Variants in UBE2K observed in about 807,000 individuals in gnomAD.
UBE2K encodes ubiquitin conjugating enzyme E2 K.
UBE2K carries 6 observed loss-of-function variants against 30.0 expected under a neutral mutation model. The ratio of observed to expected loss-of-function variants is 0.20; its 90% CI spans 0.11 to 0.39. The LOEUF (loss-of-function observed/expected upper bound fraction) is 0.39, where lower values mean the gene tolerates loss of function less well. Among genes scored for constraint, UBE2K ranks in the 10% least tolerant of loss-of-function variants. The pLI, the probability that UBE2K is intolerant of heterozygous loss-of-function variation, is 1.00. For missense variants in UBE2K, 61 were observed against 241.6 expected (o/e 0.25, Z 4.96); for synonymous variants, 86 against 83.7 (o/e 1.03, Z -0.15).
intron 1 of UBE2K, among the ~76,000 whole-genome samples, chr4:39,718,061 AG>A (rs1719196941): frequency 8.2e-6 from 1 of 122,502 alleles, no homozygotes; most frequent in Non-Finnish European, 1.9e-5. Context: ...ACAGTGTGGA[AG>A]GGGACCCGAG....
intron 1 of UBE2K, among the ~76,000 whole-genome samples, chr4:39,716,821 A>G (rs1027244280): frequency 7.2e-5 from 11 of 152,038 alleles, no homozygotes; most frequent in African/African-American, 2.4e-4. Context: ...AACACGGTGA[A>G]ACCCTGTCTC....
chr4:39,766,136 T>C (rs1712318078), intron 4 of UBE2K, among the ~76,000 whole-genome samples: 1 of 152,224 alleles, frequency 6.6e-6, no homozygotes, highest in African/African-American at 2.4e-5. Context: ...CACTGGATTA[T>C]ATAGTAACTC....
rs1712712534 is a variant in UBE2K at position 39,770,445 on chromosome 4, G to A, written c.300-4389G>A. 57 of 1,611,832 alleles carry A rather than the reference G, an allele frequency of 3.5e-5. 1 individual carries two copies. In the South Asian group the frequency reaches 5.4e-4, roughly 15 times the overall value. ...CTTCTCCACGCCCTGGAACACTTCCGGGCACTTGGTGCACTTGATGTTCTT... is the reference window on the plus strand; with the variant it reads ...CTTCTCCACGCCCTGGAACACTTCCAGGCACTTGGTGCACTTGATGTTCTT... On this transcript the variant is annotated intron_variant, in intron 4 of 6. Transcript: ENST00000261427.
At chr4:39,729,644 C>T (rs1405126824) in intron 1 of UBE2K, among the ~76,000 whole-genome samples, 3 of 152,150 alleles carry the variant, frequency 2.0e-5, no homozygotes, top group Non-Finnish European at 4.4e-5. Context: ...CTACTCCAGC[C>T]AGGTGATCTC....
chr4:39,758,401 C>T (rs376399783), intron 4 of UBE2K, among the ~76,000 whole-genome samples: 27 of 152,250 alleles, frequency 1.8e-4, no homozygotes, highest in African/African-American at 6.0e-4. Flanking sequence ...CTTGCCGCCA[C>T]GTGCAGTGGC....
intron 1 of UBE2K, among the ~76,000 whole-genome samples, chr4:39,722,497 A>T (rs1462043986): frequency 6.6e-6 from 1 of 152,230 alleles, no homozygotes; most frequent in Middle Eastern, 3.2e-3. Context: ...TAGCAAGTAA[A>T]GGATGGATTA....
At chr4:39,760,474 AGCCTAT>A (rs1439125098) in intron 4 of UBE2K, among the ~76,000 whole-genome samples, 1 of 152,234 alleles carries the variant, frequency 6.6e-6, no homozygotes, top group African/African-American at 2.4e-5. Context: ...AGTAAAAAAG[AGCCTAT>A]CATTGACACA....
rs28567992 is a variant in UBE2K, at chr4:39,763,856, C to T, written c.299+8117C>T. The stretch of plus-strand genomic sequence containing the variant: ...CCAGGCTCAATTGGTCTTCCCACCT[C>T]AGCCTTCTGAGTAACTGTAACTACA... On this transcript the variant is annotated intron_variant, in intron 4 of 6. Transcript: ENST00000261427. Among the ~76,000 whole-genome samples the T allele has an allele frequency of 7.5e-3, 1,145 of 152,256 alleles. 14 individuals carry two copies. The highest frequency in any genetic ancestry group is 0.026 in the African/African-American group (1,085 of 41,550).
intron 1 of UBE2K, chr4:39,714,550 A>ATATTTT: frequency 1.1e-3 from 19 of 17,854 alleles, no homozygotes; most frequent in Middle Eastern, 0.042. Context: ...ATATATATAT[A>ATATTTT]TTTTTTTTTT....
intron 1 of UBE2K, among the ~76,000 whole-genome samples, chr4:39,723,596 C>G (rs1284826963): frequency 6.6e-6 from 1 of 151,996 alleles, no homozygotes; most frequent in East Asian, 1.9e-4. Context: ...TCTCAATCTC[C>G]TGACCTCCTG....
At chr4:39,751,624 G>A (rs1037572608) in intron 3 of UBE2K, among the ~76,000 whole-genome samples, 6 of 152,132 alleles carry the variant, frequency 3.9e-5, no homozygotes, top group South Asian at 4.1e-4. Flanking sequence ...GCAGTGAGCC[G>A]AGATTGCGCC....
intron 1 of UBE2K, among the ~76,000 whole-genome samples, chr4:39,718,552 C>T (rs927387434): frequency 2.0e-5 from 3 of 152,214 alleles, no homozygotes; most frequent in African/African-American, 7.2e-5. Context: ...AACTGGGTGC[C>T]GTGGAGCAGG....
At chr4:39,775,474 G>A (rs142327424) in intron 5 of UBE2K, among the ~76,000 whole-genome samples, 127 of 152,330 alleles carry the variant, frequency 8.3e-4, no homozygotes, top group African/African-American at 3.0e-3. Flanking sequence ...TGCTGGCCAG[G>A]TGTGTTGGCT....
intron 1 of UBE2K, among the ~76,000 whole-genome samples, chr4:39,736,367 C>T (rs1720380144): frequency 6.6e-6 from 1 of 152,154 alleles, no homozygotes; most frequent in African/African-American, 2.4e-5. Context: ...GAGGCTGAAG[C>T]AGGAGAGTCA....
At chr4:39,767,433 C>A (rs1712419467) in intron 4 of UBE2K, among the ~76,000 whole-genome samples, 1 of 151,884 alleles carries the variant, frequency 6.6e-6, no homozygotes, top group African/African-American at 2.4e-5. Flanking sequence ...ACGCCATTCT[C>A]CTGCCTCAGC....
chr4:39,729,386 A>C (rs541000144), intron 1 of UBE2K, among the ~76,000 whole-genome samples: 1 of 152,244 alleles, frequency 6.6e-6, no homozygotes, highest in African/African-American at 2.4e-5. Context: ...ACATGTCTCA[A>C]ACTGATTTTT....
intron 2 of UBE2K, among the ~76,000 whole-genome samples, chr4:39,741,557 C>T (rs534026199): frequency 6.6e-6 from 1 of 152,222 alleles, no homozygotes; most frequent in Non-Finnish European, 1.5e-5. Context: ...CAAAAGTTTA[C>T]ATGTGGAATG....
In UBE2K at chr4:39,745,952, T is replaced by G. The variant is rs180845066; in HGVS notation, c.216+142T>G. The stretch of plus-strand genomic sequence containing the variant: ...TGTAAACTTGATGTGGACAGGATTT[T>G]AGATAATGGCAGGTGGCTGGCTTCT... On this transcript the variant is annotated intron_variant, in intron 3 of 6. Transcript: ENST00000261427. The G allele has an allele frequency of 1.2e-4, 71 of 599,816 alleles. No individual in the cohort carries two copies. In the East Asian group the frequency reaches 2.4e-3, roughly 20 times the overall value. 37.2% of individuals were successfully genotyped at this position (599,816 alleles called of 1,614,324 possible). A position where few individuals can be genotyped will look rare whatever the true frequency, so the allele number is the denominator to read the frequency against.
At chr4:39,742,803 T>C (rs1302168844) in intron 2 of UBE2K, among the ~76,000 whole-genome samples, 2 of 152,112 alleles carry the variant, frequency 1.3e-5, no homozygotes, top group African/African-American at 2.4e-5. Flanking sequence ...CCCAGCACTT[T>C]GGGAGGCTGA....
Sources: gnomAD v4.1 joint callset for allele counts (sites outside exome capture counted in the v4.1 genomes callset) on GRCh38, gnomAD v4.1.1 for gene constraint, MANE v1.5 for transcripts, NCBI Gene and HGNC (gene_info 2026-07-23, HGNC 2026-07-21) for gene names.